NRXN3: variants seen among roughly 807,000 people sequenced by gnomAD.
The protein encoded by NRXN3 is neurexin 3.
Under a neutral mutation model 137.6 loss-of-function variants are expected in NRXN3, and 32 were observed. The ratio of observed to expected loss-of-function variants is 0.23; its 90% confidence interval spans 0.18 to 0.31. The LOEUF is 0.31. NRXN3 is among the 10% of genes least tolerant of loss of function. The pLI is 1.00. For missense variants in NRXN3, 1,574 were observed against 2,062.5 expected (o/e 0.76, Z 4.59); for synonymous variants, 798 against 784.5 (o/e 1.02, Z -0.29).
intron 4 of NRXN3, among the ~76,000 whole-genome samples, chr14:78,403,541 C>T (rs2092264363): frequency 6.6e-6 from 1 of 152,108 alleles, no homozygotes; most frequent in Admixed American, 6.5e-5. Context: ...GCTGAGAGTC[C>T]TCTTTGCTGG....
intron 15 of NRXN3, among the ~76,000 whole-genome samples, chr14:79,270,358 G>A (rs74067944): frequency 0.014 from 2,086 of 152,198 alleles, 42 homozygotes; most frequent in African/African-American, 0.047. Context: ...AAAATATCTC[G>A]ATAGTATTGC....
chr14:79,593,622 C>A (rs2097831647), intron 16 of NRXN3, among the ~76,000 whole-genome samples: 1 of 125,084 alleles, frequency 8.0e-6, no homozygotes, highest in South Asian at 2.8e-4. Flanking sequence ...CGGAGCGAGA[C>A]TCCGTCTCAA....
At chr14:79,802,380 C>T (rs922525006) in intron 19 of NRXN3, among the ~76,000 whole-genome samples, 13 of 152,086 alleles carry the variant, frequency 8.5e-5, no homozygotes, top group East Asian at 5.8e-4. Flanking sequence ...CTCTTTATTA[C>T]CACCATCCTA....
chr14:78,863,478 T>G (rs2099078426), intron 10 of NRXN3, among the ~76,000 whole-genome samples: 1 of 152,064 alleles, frequency 6.6e-6, no homozygotes, highest in Non-Finnish European at 1.5e-5. Context: ...CTTTGTATGA[T>G]CTCATCAATC....
At chr14:79,014,905 C>T (rs988900028) in intron 15 of NRXN3, among the ~76,000 whole-genome samples, 2 of 152,056 alleles carry the variant, frequency 1.3e-5, no homozygotes, top group Admixed American at 6.6e-5. Flanking sequence ...CATTTAAGTT[C>T]GCTTTTCCAG....
At chr14:78,539,710 G>A (rs754026509) in intron 4 of NRXN3, among the ~76,000 whole-genome samples, 3 of 152,020 alleles carry the variant, frequency 2.0e-5, no homozygotes, top group Non-Finnish European at 4.4e-5. Flanking sequence ...TTAGGGTGTC[G>A]ATTATAGATC....
intron 6 of NRXN3, among the ~76,000 whole-genome samples, chr14:78,669,856 T>A (rs1285110355): frequency 6.6e-6 from 1 of 152,162 alleles, no homozygotes; most frequent in East Asian, 1.9e-4. Context: ...TTAAATTTTA[T>A]GTATTTATTT....
intron 1 of NRXN3, among the ~76,000 whole-genome samples, chr14:78,233,760 G>C (rs77420138): frequency 1.2e-3 from 180 of 149,840 alleles, no homozygotes; most frequent in Admixed American, 4.0e-3. Context: ...CATTGCCTGT[G>C]TTAGCCCAAA....
chr14:79,036,794 G>T (rs893221413), intron 15 of NRXN3, among the ~76,000 whole-genome samples: 1 of 151,564 alleles, frequency 6.6e-6, no homozygotes, highest in Non-Finnish European at 1.5e-5. Flanking sequence ...ATGGGGGAAA[G>T]GCATGATGAC....
chr14:79,403,244 T>G (rs1052708311), intron 15 of NRXN3, among the ~76,000 whole-genome samples: 3 of 152,166 alleles, frequency 2.0e-5, no homozygotes, highest in African/African-American at 7.2e-5. Context: ...GAAAGATGTG[T>G]GAACGGACAT....
At chr14:79,586,455 T>G (rs1273736158) in intron 16 of NRXN3, among the ~76,000 whole-genome samples, 1 of 152,220 alleles carries the variant, frequency 6.6e-6, no homozygotes, top group East Asian at 1.9e-4. Context: ...ATGTTGAATA[T>G]GGTCAGATGT....
intron 15 of NRXN3, among the ~76,000 whole-genome samples, chr14:79,459,724 C>T (rs1184140843): frequency 6.6e-6 from 1 of 151,726 alleles, no homozygotes; most frequent in Non-Finnish European, 1.5e-5. Flanking sequence ...AATATATACA[C>T]ATAGCTGGTA....
In NRXN3 at chr14:78,834,946, C is replaced by T. The variant is rs992709692; in HGVS notation, c.2275+24602C>T. 4.6e-5 allele frequency among the ~76,000 whole-genome samples: 7 copies of T among 151,644 alleles called. No homozygotes were observed. The South Asian group carries it at 8.4e-4, about 18-fold the overall frequency. On this transcript the variant is annotated intron_variant, in intron 10 of 20. Transcript: ENST00000335750. ...TGCAGACTCTTCCCCTCCCCTTCCT[C>T]CTCCCAACCCACCCCCAGTCCATCT...
At chr14:78,587,410 G>T (rs766617781) in intron 4 of NRXN3, among the ~76,000 whole-genome samples, 18 of 152,164 alleles carry the variant, frequency 1.2e-4, no homozygotes, top group Admixed American at 2.0e-4. Context: ...TTTAATGTGT[G>T]ACCTTTGGCA....
At chr14:78,578,571 A>T (rs1253207772) in intron 4 of NRXN3, among the ~76,000 whole-genome samples, 1 of 152,208 alleles carries the variant, frequency 6.6e-6, no homozygotes, top group Non-Finnish European at 1.5e-5. Flanking sequence ...CACAAAAACA[A>T]AAACTTTTCC....
At chr14:79,365,195 A>AGAGTGATT (rs2093834409) in intron 15 of NRXN3, among the ~76,000 whole-genome samples, 1 of 152,136 alleles carries the variant, frequency 6.6e-6, no homozygotes, top group African/African-American at 2.4e-5. Context: ...TCTGTACAAC[A>AGAGTGATT]GAGTGATTGA....
intron 4 of NRXN3, among the ~76,000 whole-genome samples, chr14:78,507,392 G>A (rs982318632): frequency 2.0e-5 from 3 of 152,202 alleles, no homozygotes; most frequent in African/African-American, 4.8e-5. Flanking sequence ...TGGGGAAAAA[G>A]AGTCCCACTC....
At chr14:79,721,749 A>T (rs1043663981) in intron 19 of NRXN3, among the ~76,000 whole-genome samples, 2 of 152,140 alleles carry the variant, frequency 1.3e-5, no homozygotes, top group African/African-American at 4.8e-5. Context: ...TTTAAACTCA[A>T]TATCTGGATT....
chr14:79,358,485 A>G (rs1156833457), intron 15 of NRXN3, among the ~76,000 whole-genome samples: 2 of 150,768 alleles, frequency 1.3e-5, no homozygotes, highest in Non-Finnish European at 3.0e-5. Flanking sequence ...GAGGCGGGAG[A>G]ATGGTGTGAA....
Sources: gnomAD v4.1 joint callset for allele counts (sites outside exome capture counted in the v4.1 genomes callset) on GRCh38, gnomAD v4.1.1 for gene constraint, MANE v1.5 for transcripts, NCBI Gene and HGNC (gene_info 2026-07-23, HGNC 2026-07-21) for gene names.